JAKMIP2: variants seen among roughly 807,000 people sequenced by gnomAD.
The protein encoded by JAKMIP2 is janus kinase and microtubule interacting protein 2.
A neutral mutation model predicts 115.0 loss-of-function variants in JAKMIP2; 25 were observed. That is an observed-to-expected ratio of 0.22 (90% CI 0.16 to 0.30). The LOEUF is 0.30. Among genes scored for constraint, JAKMIP2 ranks in the 10% least tolerant of loss-of-function variants. The probability of loss-of-function intolerance (pLI) is 1.00; values close to 1 mark genes in which losing one functional copy is unlikely to be tolerated. For synonymous variants in JAKMIP2, 334 were observed against 343.6 expected (o/e 0.97, Z 0.31); for missense variants, 642 against 957.6 (o/e 0.67, Z 4.35).
intron 1 of JAKMIP2, among the ~76,000 whole-genome samples, chr5:147,726,357 G>A (rs1306362780): frequency 6.6e-6 from 1 of 152,186 alleles, no homozygotes; most frequent in East Asian, 1.9e-4. Context: ...CCCCAGGGCT[G>A]TGGTGTGGCG....
intron 21 of JAKMIP2, among the ~76,000 whole-genome samples, chr5:147,597,908 C>T (rs774849189): frequency 1.1e-4 from 17 of 152,044 alleles, no homozygotes; most frequent in Non-Finnish European, 2.2e-4. Context: ...GGACTTGCAC[C>T]AGCAGCCTCC....
chr5:147,637,439 T>C (rs1757676032), intron 10 of JAKMIP2, among the ~76,000 whole-genome samples: 1 of 5,984 alleles, frequency 1.7e-4, no homozygotes, highest in African/African-American at 3.9e-4. Flanking sequence ...TTCTTTTGAT[T>C]TTTTTTTTTT....
At position 147,720,804 on chromosome 5, in the gene JAKMIP2, G is replaced by A. The variant is rs1185044660; in HGVS notation, c.-148-48850C>T. ...TTGCCTTTGGTTTGAATGTCCTCCC[G>A]TAGCTCAGAGTAATTTGATCATCTG... On this transcript the variant is annotated intron_variant, in intron 1 of 21. Coordinates refer to ENST00000616793, the MANE Select transcript of JAKMIP2 (RefSeq NM_001270941.2). Among the ~76,000 whole-genome samples, 9 of 151,554 alleles carry A rather than the reference G, an allele frequency of 5.9e-5. No individual in the cohort carries two copies. In the South Asian group the frequency reaches 6.3e-4, roughly 11 times the overall value.
intron 1 of JAKMIP2, among the ~76,000 whole-genome samples, chr5:147,674,124 C>G (rs954174965): frequency 6.6e-6 from 1 of 151,904 alleles, no homozygotes; most frequent in Non-Finnish European, 1.5e-5. Flanking sequence ...TTACATTAGT[C>G]CCCCCAAACC....
intron 1 of JAKMIP2, among the ~76,000 whole-genome samples, chr5:147,777,902 A>G (rs1015627380): frequency 3.3e-5 from 5 of 152,190 alleles, no homozygotes; most frequent in African/African-American, 1.2e-4. Flanking sequence ...TATTTTTGAT[A>G]GTTCAGAAAA....
chr5:147,766,727 C>T (rs2127064700), intron 1 of JAKMIP2, among the ~76,000 whole-genome samples: 1 of 152,022 alleles, frequency 6.6e-6, no homozygotes, highest in Non-Finnish European at 1.5e-5. Context: ...TTTGATTTTT[C>T]CTTCTAAGGA....
chr5:147,746,996 C>T (rs899941677), intron 1 of JAKMIP2, among the ~76,000 whole-genome samples: 3 of 152,130 alleles, frequency 2.0e-5, no homozygotes, highest in South Asian at 2.1e-4. Flanking sequence ...TGGGACCAAC[C>T]CTCCATGCAG....
chr5:147,730,301 A>G (rs1561564144), intron 1 of JAKMIP2, among the ~76,000 whole-genome samples: 1 of 152,176 alleles, frequency 6.6e-6, no homozygotes, highest in Admixed American at 6.5e-5. Flanking sequence ...CCATCTGTGT[A>G]TGTCCTTGTA....
At chr5:147,643,908 T>C (rs1757996079) in intron 7 of JAKMIP2, 150 bp downstream of exon 7, 2 of 508,574 alleles carry the variant, frequency 3.9e-6, no homozygotes, top group East Asian at 3.1e-5. Flanking sequence ...ATATAAAATA[T>C]TGGAATACAG....
chr5:147,637,732 C>CA (rs1757692578), intron 10 of JAKMIP2, among the ~76,000 whole-genome samples: 1 of 152,042 alleles, frequency 6.6e-6, no homozygotes, highest in Non-Finnish European at 1.5e-5. Context: ...TCTTTCAGAG[C>CA]AAACTTTGTG....
At chr5:147,727,885 T>C (rs1388862263) in intron 1 of JAKMIP2, among the ~76,000 whole-genome samples, 3 of 152,176 alleles carry the variant, frequency 2.0e-5, no homozygotes, top group Admixed American at 6.5e-5. Flanking sequence ...GTCTTCTTGC[T>C]ACTCTTGATG....
At chr5:147,666,511 G>C (rs1470823338) in intron 2 of JAKMIP2, among the ~76,000 whole-genome samples, 1 of 152,166 alleles carries the variant, frequency 6.6e-6, no homozygotes, top group Non-Finnish European at 1.5e-5. Context: ...TTTCTAAACA[G>C]GCTTTACACA....
chr5:147,774,191 C>T (rs1340397122), intron 1 of JAKMIP2, among the ~76,000 whole-genome samples: 1 of 152,058 alleles, frequency 6.6e-6, no homozygotes, highest in Non-Finnish European at 1.5e-5. Context: ...GAGACTGACC[C>T]AGTGGTCAAA....
At chr5:147,594,335 TTC>T (rs1755244025) in intron 21 of JAKMIP2, 2 of 372,030 alleles carry the variant, frequency 5.4e-6, no homozygotes, top group East Asian at 7.8e-5. Context: ...ATGCTACAAA[TTC>T]TTTTTTTTTC....
chr5:147,718,808 T>G (rs1448420993), intron 1 of JAKMIP2, among the ~76,000 whole-genome samples: 7 of 152,110 alleles, frequency 4.6e-5, no homozygotes, highest in African/African-American at 1.7e-4. Flanking sequence ...GCTCCTGGAT[T>G]CATTTATTTT....
intron 4 of JAKMIP2, among the ~76,000 whole-genome samples, chr5:147,649,437 C>T (rs193088793): frequency 6.6e-6 from 1 of 152,158 alleles, no homozygotes; most frequent in African/African-American, 2.4e-5. Flanking sequence ...CTATTTTACA[C>T]ATGAGGAAAC....
chr5:147,744,225 C>G (rs1485508037), intron 1 of JAKMIP2, among the ~76,000 whole-genome samples: 1 of 152,102 alleles, frequency 6.6e-6, no homozygotes, highest in African/African-American at 2.4e-5. Context: ...AATTATTTTT[C>G]CAGCTGTGCT....
intron 1 of JAKMIP2, among the ~76,000 whole-genome samples, chr5:147,676,586 C>A (rs180829807): frequency 4.6e-5 from 7 of 152,264 alleles, no homozygotes; most frequent in Admixed American, 4.6e-4. Flanking sequence ...GCAGCAGTAG[C>A]CCCAGGCAAC....
rs577378598 is a variant in JAKMIP2 at position 147,770,128 on chromosome 5, C to CT, written c.-149+12327dup. Among the ~76,000 whole-genome samples, 558 of 151,018 alleles carry CT rather than the reference C, an allele frequency of 3.7e-3. 1 individual carries two copies. The highest frequency in any genetic ancestry group is 6.2e-3 in the Non-Finnish European group (417 of 67,642). Reference sequence around the variant, plus strand: ...TTAAATTCTATCTTTTGATTTTTGACTTTTTTTTTAACTTAGACAAATCTT... The same window carrying CT: ...TTAAATTCTATCTTTTGATTTTTGACTTTTTTTTTTAACTTAGACAAATCTT... On this transcript the variant is annotated intron_variant, in intron 1 of 21. Coordinates refer to ENST00000616793, the MANE Select transcript of JAKMIP2 (RefSeq NM_001270941.2).
Sources: allele counts gnomAD v4.1 joint callset (sites outside exome capture counted in the v4.1 genomes callset), GRCh38; gene constraint gnomAD v4.1.1; transcripts MANE v1.5; gene names NCBI Gene and HGNC (gene_info 2026-07-23, HGNC 2026-07-21).